The following NCKAP5 variants were observed in gnomAD, a reference collection of about 807,000 sequenced individuals.
NCKAP5 encodes the protein NCK associated protein 5.
Under a neutral mutation model 167.0 loss-of-function variants are expected in NCKAP5, and 92 were observed. The ratio of observed to expected loss-of-function variants is 0.55; its 90% CI spans 0.47 to 0.66. NCKAP5 has a LOEUF of 0.66. Among genes scored for constraint, NCKAP5 ranks in the 30% least tolerant of loss-of-function variants. The pLI is 0.00. For synonymous variants in NCKAP5, 891 were observed against 877.4 expected (o/e 1.02, Z -0.27); for missense variants, 2,378 against 2,315.0 (o/e 1.03, Z -0.56).
chr2:132,712,755 C>T (rs1247372972), intron 19 of NCKAP5, among the ~76,000 whole-genome samples: 1 of 152,178 alleles, frequency 6.6e-6, no homozygotes, highest in African/African-American at 2.4e-5. Context: ...AAGCACTTAC[C>T]ATGTGCCAAG....
At chr2:133,428,626 T>A (rs1405795937) in intron 3 of NCKAP5, among the ~76,000 whole-genome samples, 1 of 152,138 alleles carries the variant, frequency 6.6e-6, no homozygotes, top group Non-Finnish European at 1.5e-5. Context: ...AGACATAATT[T>A]ACATAACTCA....
intron 16 of NCKAP5, among the ~76,000 whole-genome samples, chr2:132,766,245 C>A (rs1406718414): frequency 6.8e-6 from 1 of 146,170 alleles, no homozygotes; most frequent in African/African-American, 2.6e-5. Context: ...GCACCACTAC[C>A]CTCCAGCCTG....
intron 7 of NCKAP5, among the ~76,000 whole-genome samples, chr2:132,982,408 C>T (rs2077167527): frequency 6.6e-6 from 1 of 152,178 alleles, no homozygotes; most frequent in African/African-American, 2.4e-5. Flanking sequence ...AACTTTTTCT[C>T]ATTTAAATTC....
In NCKAP5 at chr2:132,849,428, A is replaced by T. The variant is rs72991388; in HGVS notation, c.807+11064T>A. Among the ~76,000 whole-genome samples, 1,116 of 152,324 alleles carry T rather than the reference A, an allele frequency of 7.3e-3. 17 individuals carry two copies. Among genetic ancestry groups the T allele is most frequent in the African/African-American group, 0.025 (1,055 of 41,578 alleles). On this transcript the variant is annotated intron_variant, in intron 11 of 19. Coordinates refer to ENST00000409261, the MANE Select transcript of NCKAP5 (RefSeq NM_207363.3). Reference sequence around the variant, plus strand: ...ATCCCCAGAAATACAAATTCCCAGGAAAATCCAACAAGTCAATAATAGAAA... The same window carrying T: ...ATCCCCAGAAATACAAATTCCCAGGTAAATCCAACAAGTCAATAATAGAAA...
chr2:132,884,220 G>C (rs1207732641), intron 8 of NCKAP5, among the ~76,000 whole-genome samples: 1 of 152,194 alleles, frequency 6.6e-6, no homozygotes, highest in African/African-American at 2.4e-5. Context: ...CTGCCACACA[G>C]CACGATCCTT....
chr2:133,067,855 T>G (rs192864629), intron 6 of NCKAP5, among the ~76,000 whole-genome samples: 4 of 152,242 alleles, frequency 2.6e-5, no homozygotes. Flanking sequence ...GGAATGCTCT[T>G]GAAATTAACA....
chr2:133,523,664 C>T (rs911738955), intron 2 of NCKAP5, among the ~76,000 whole-genome samples: 9 of 152,150 alleles, frequency 5.9e-5, no homozygotes, highest in South Asian at 4.1e-4. Context: ...CGGTCAGCTT[C>T]GTTAAGCAAC....
intron 19 of NCKAP5, among the ~76,000 whole-genome samples, chr2:132,720,426 C>T (rs1689793854): frequency 6.6e-6 from 1 of 152,136 alleles, no homozygotes; most frequent in African/African-American, 2.4e-5. Context: ...TGTTATGAAC[C>T]CAGAGGCAGG....
chr2:132,796,898 T>A (rs1684652640), intron 11 of NCKAP5, among the ~76,000 whole-genome samples, 169 bp from the exon 12 acceptor site: 1 of 152,242 alleles, frequency 6.6e-6, no homozygotes, highest in Admixed American at 6.5e-5. Flanking sequence ...TACATGTATA[T>A]GTACGTGTAT....
Position 133,051,286 on chromosome 2 carries a change from G to A in NCKAP5, c.342-57047C>T, listed in dbSNP as rs73960004. Among the ~76,000 whole-genome samples, 825 of 152,158 alleles carry A rather than the reference G, an allele frequency of 5.4e-3. 10 individuals are homozygous for A. Among genetic ancestry groups the A allele is most frequent in the African/African-American group, 0.019 (771 of 41,520 alleles). On this transcript the variant is annotated intron_variant, in intron 6 of 19. Coordinates refer to ENST00000409261, the MANE Select transcript of NCKAP5 (RefSeq NM_207363.3). ...TAAGCAGCCCTAACGACCTTACTTTGTAGACAGCTGGCTTCATTACAAGCA... is the reference window on the plus strand; with the variant it reads ...TAAGCAGCCCTAACGACCTTACTTTATAGACAGCTGGCTTCATTACAAGCA...
At chr2:133,459,309 A>G (rs1221143412) in intron 3 of NCKAP5, among the ~76,000 whole-genome samples, 2 of 152,118 alleles carry the variant, frequency 1.3e-5, no homozygotes, top group Non-Finnish European at 2.9e-5. Flanking sequence ...CAAAATGCCA[A>G]GATTACAGGT....
chr2:133,140,772 T>C (rs1331795217), intron 5 of NCKAP5, among the ~76,000 whole-genome samples: 1 of 148,904 alleles, frequency 6.7e-6, no homozygotes, highest in African/African-American at 2.4e-5. Context: ...TAAGTAAGCT[T>C]GTTAATATAA....
intron 6 of NCKAP5, among the ~76,000 whole-genome samples, chr2:133,068,558 G>A (rs184917411): frequency 1.1e-3 from 162 of 152,282 alleles, no homozygotes; most frequent in Middle Eastern, 3.4e-3. Flanking sequence ...GTTCCACAGA[G>A]AGGCTCCCTG....
chr2:133,658,996 A>G, the NCKAP5 span, among the ~76,000 whole-genome samples: 27 of 152,014 alleles, frequency 1.8e-4, no homozygotes, highest in Admixed American at 6.6e-4. Flanking sequence ...GGGCATATTT[A>G]ATTTTTAAAA....
At chr2:132,720,877 G>C (rs1228283092) in intron 19 of NCKAP5, among the ~76,000 whole-genome samples, 1 of 152,158 alleles carries the variant, frequency 6.6e-6, no homozygotes, top group East Asian at 1.9e-4. Context: ...TGAGTGTGGT[G>C]GGAGGCACCT....
At chr2:132,701,622 G>A (rs1272951694) in intron 19 of NCKAP5, among the ~76,000 whole-genome samples, 1 of 152,066 alleles carries the variant, frequency 6.6e-6, no homozygotes, top group Non-Finnish European at 1.5e-5. Context: ...AAAAGTGTTT[G>A]GCAAACATTT....
intron 8 of NCKAP5, among the ~76,000 whole-genome samples, chr2:132,914,775 T>C (rs1694732429): frequency 6.6e-6 from 1 of 151,996 alleles, no homozygotes; most frequent in Non-Finnish European, 1.5e-5. Flanking sequence ...ATCTGATGGG[T>C]CACTGAGACG....
intron 19 of NCKAP5, among the ~76,000 whole-genome samples, chr2:132,686,621 T>C (rs557985813): frequency 6.6e-6 from 1 of 152,328 alleles, no homozygotes; most frequent in South Asian, 2.1e-4. Flanking sequence ...ATTATGTTTA[T>C]TTACTGGTCA....
intron 7 of NCKAP5, among the ~76,000 whole-genome samples, chr2:132,975,563 G>C (rs1016978510): frequency 1.3e-5 from 2 of 152,136 alleles, no homozygotes; most frequent in Non-Finnish European, 2.9e-5. Flanking sequence ...CTCTACTGTG[G>C]AATAGAATGG....
Sources: gnomAD v4.1 joint callset for allele counts (sites outside exome capture counted in the v4.1 genomes callset) on GRCh38, gnomAD v4.1.1 for gene constraint, MANE v1.5 for transcripts, NCBI Gene and HGNC (gene_info 2026-07-23, HGNC 2026-07-21) for gene names.